Variants in GPR89A observed in about 807,000 individuals in gnomAD.
GPR89A encodes golgi pH regulator A.
In GPR89A, 16 loss-of-function variants were observed where a neutral mutation model predicts 52.0. The ratio of observed to expected loss-of-function variants is 0.31; its 90% CI spans 0.21 to 0.47. The LOEUF (loss-of-function observed/expected upper bound fraction) is 0.47. Ranked by LOEUF, GPR89A falls within the 20% of genes least tolerant of loss-of-function variation. The pLI, the probability that GPR89A is intolerant of heterozygous loss-of-function variation, is 1.00. For missense variants in GPR89A, 135 were observed against 449.4 expected, an observed-to-expected ratio of 0.30 and a Z score of 6.33; for synonymous variants, 55 against 150.9, an observed-to-expected ratio of 0.36 and a Z score of 4.66.
chr1:145,632,547 T>C (rs1649951838), intron 7 of GPR89A, among the ~76,000 whole-genome samples: 1 of 152,212 alleles, frequency 6.6e-6, no homozygotes, highest in South Asian at 2.1e-4. Flanking sequence ...TGCTCTCCAG[T>C]TACATTCAAG....
chr1:145,635,347 G>A (rs1306652980), intron 7 of GPR89A, among the ~76,000 whole-genome samples: 5 of 151,912 alleles, frequency 3.3e-5, no homozygotes, highest in East Asian at 3.9e-4. Flanking sequence ...CGGAGCTTGC[G>A]GTAAGCCCAG....
chr1:145,610,887 A>G (rs587647382), intron 1 of GPR89A, among the ~76,000 whole-genome samples: 1 of 152,156 alleles, frequency 6.6e-6, no homozygotes, highest in East Asian at 1.9e-4. Flanking sequence ...CCCAGAAGTC[A>G]CTTTTTTAAA....
chr1:145,646,075 A>AT (rs2101805826), intron 8 of GPR89A, 109 bp from the exon 9 acceptor site: 1 of 1,545,022 alleles, frequency 6.5e-7, no homozygotes, highest in Non-Finnish European at 8.9e-7. Flanking sequence ...AATTGAGAAT[A>AT]TAGGCAACTC....
chr1:145,619,301 G>A (rs1351324688), intron 3 of GPR89A, among the ~76,000 whole-genome samples: 1 of 50,008 alleles, frequency 2.0e-5, no homozygotes, highest in Non-Finnish European at 3.4e-5. Context: ...ACATTGAAAG[G>A]TTAAAAAAAA....
intron 7 of GPR89A, among the ~76,000 whole-genome samples, chr1:145,632,787 T>C (rs1553690102): frequency 6.6e-6 from 1 of 152,142 alleles, no homozygotes; most frequent in African/African-American, 2.4e-5. Flanking sequence ...CTGGATCATA[T>C]GGCAATTCCA....
rs1571516386 is a variant in GPR89A, at chr1:145,646,287, A to G, written c.816+15A>G. On this transcript the variant is annotated intron_variant, in intron 9 of 13. Coordinates refer to ENST00000313835, the MANE Select transcript of GPR89A (RefSeq NM_001097612.2). ...ATGCTACCAAGGTACAGAGCAAGGAAACTGAAGTGTGGTTTTTACCAATAT... is the reference window on the plus strand; with the variant it reads ...ATGCTACCAAGGTACAGAGCAAGGAGACTGAAGTGTGGTTTTTACCAATAT... The G allele has an allele frequency of 6.3e-7, 1 of 1,584,226 alleles. No individual in the cohort carries two copies. The highest frequency in any genetic ancestry group is 1.8e-5 in the Admixed American group (1 of 56,942).
chr1:145,613,532 A>T (rs1648449758), intron 1 of GPR89A, among the ~76,000 whole-genome samples: 1 of 151,930 alleles, frequency 6.6e-6, no homozygotes, highest in Admixed American at 6.6e-5. Flanking sequence ...AACCCTCATC[A>T]CCTACAGACT....
intron 1 of GPR89A, chr1:145,612,299 T>G (rs1159687212): frequency 6.6e-6 from 1 of 152,202 alleles, no homozygotes; most frequent in African/African-American, 2.4e-5. Context: ...AAAGGTTATC[T>G]GTGTTCACAA....
At chr1:145,660,694 C>A (rs1652131617) in intron 10 of GPR89A, among the ~76,000 whole-genome samples, 1 of 151,740 alleles carries the variant, frequency 6.6e-6, no homozygotes, top group Admixed American at 6.6e-5. Context: ...CGCCAAAAAA[C>A]ACAAGAAAAA....
chr1:145,611,711 A>G (rs1405770405), intron 1 of GPR89A: 1 of 150,086 alleles, frequency 6.7e-6, no homozygotes, highest in Admixed American at 6.6e-5. Flanking sequence ...ATCCATTTCC[A>G]CTATACATAC....
At chr1:145,621,820 A>G (rs1649159018) in intron 3 of GPR89A, among the ~76,000 whole-genome samples, 1 of 151,900 alleles carries the variant, frequency 6.6e-6, no homozygotes, top group African/African-American at 2.4e-5. Context: ...GCACATATGA[A>G]TAGATGCCCA....
chr1:145,645,434 C>T (rs587708478), intron 8 of GPR89A: 51 of 373,022 alleles, frequency 1.4e-4, no homozygotes, highest in Admixed American at 2.1e-4. Flanking sequence ...CGGGTTTGAG[C>T]TGTGTTAGTA....
intron 3 of GPR89A, among the ~76,000 whole-genome samples, chr1:145,619,267 A>C (rs1648933790): frequency 6.6e-6 from 1 of 151,008 alleles, no homozygotes. Flanking sequence ...AGAAAAACTT[A>C]CTATACAGAT....
At chr1:145,617,693 G>A (rs1214086223) in intron 2 of GPR89A, among the ~76,000 whole-genome samples, 9 of 151,800 alleles carry the variant, frequency 5.9e-5, no homozygotes, top group African/African-American at 1.2e-4. Flanking sequence ...CCCTCCATTC[G>A]GGGTCCCTGA....
chr1:145,619,940 A>G (rs1214379276), intron 3 of GPR89A, among the ~76,000 whole-genome samples: 4 of 151,942 alleles, frequency 2.6e-5, no homozygotes, highest in African/African-American at 7.3e-5. Context: ...GCCTGAACCC[A>G]GGAGGCAGAG....
chr1:145,623,747 G>A (rs781787507), intron 5 of GPR89A, 33 bp downstream of exon 5: 4 of 1,598,752 alleles, frequency 2.5e-6, no homozygotes, highest in Non-Finnish European at 3.4e-6. Flanking sequence ...AGGAAGTGGG[G>A]GGAGACGATT....
chr1:145,617,834 G>C (rs1408210619), intron 2 of GPR89A, among the ~76,000 whole-genome samples: 2 of 152,010 alleles, frequency 1.3e-5, no homozygotes, highest in African/African-American at 4.8e-5. Context: ...GTCTACATTT[G>C]GGTCATTTCT....
chr1:145,618,206 C>T (rs1648856867), intron 2 of GPR89A, 114 bp from the exon 3 acceptor site: 1 of 1,563,290 alleles, frequency 6.4e-7, no homozygotes, highest in Non-Finnish European at 8.7e-7. Flanking sequence ...GCCCTACTTC[C>T]AATGACTTGA....
chr1:145,665,968 G>A (rs1308305291), intron 12 of GPR89A, among the ~76,000 whole-genome samples: 4 of 151,172 alleles, frequency 2.6e-5, no homozygotes, highest in African/African-American at 7.3e-5. Context: ...ACTCCAGCCT[G>A]GTGAAAGAGC....
Sources: gnomAD v4.1 joint callset for allele counts (sites outside exome capture counted in the v4.1 genomes callset) on GRCh38, gnomAD v4.1.1 for gene constraint, MANE v1.5 for transcripts, NCBI Gene and HGNC (gene_info 2026-07-23, HGNC 2026-07-21) for gene names.